The following POM121 variants were observed in gnomAD, a reference collection of about 807,000 sequenced individuals.
POM121 encodes the protein POM121 transmembrane nucleoporin.
Under a neutral mutation model 81.3 loss-of-function variants are expected in POM121, and 32 were observed. That is an observed-to-expected ratio of 0.39 (90% CI 0.30 to 0.53). POM121 has a LOEUF of 0.53. Ranked by LOEUF, POM121 falls within the 20% of genes least tolerant of loss-of-function variation. The pLI, the probability that POM121 is intolerant of heterozygous loss-of-function variation, is 0.66. For missense variants in POM121, 1,138 were observed against 1,614.6 expected, an observed-to-expected ratio of 0.70 and a Z score of 5.06; for synonymous variants, 514 against 694.2, an observed-to-expected ratio of 0.74 and a Z score of 4.08.
chr7:72,893,514 G>T (rs1554491214), intron 3 of POM121, among the ~76,000 whole-genome samples: 1 of 152,058 alleles, frequency 6.6e-6, no homozygotes, highest in African/African-American at 2.4e-5. Flanking sequence ...AACCCGGGAG[G>T]CAGAGCTTGC....
intron 3 of POM121, among the ~76,000 whole-genome samples, chr7:72,893,195 G>A (rs1216605901): frequency 5.3e-5 from 8 of 151,980 alleles, no homozygotes; most frequent in Non-Finnish European, 1.0e-4. Context: ...TCTTGGCCTT[G>A]TGATCTGCCC....
intron 3 of POM121, among the ~76,000 whole-genome samples, chr7:72,898,522 C>T (rs7793890): frequency 0.014 from 2,191 of 152,066 alleles, 40 homozygotes; most frequent in African/African-American, 0.049. Flanking sequence ...GTCAGTCAGG[C>T]GTGTTGGCTC....
intron 3 of POM121, among the ~76,000 whole-genome samples, chr7:72,900,494 T>C (rs1792500580): frequency 6.6e-6 from 1 of 152,108 alleles, no homozygotes; most frequent in African/African-American, 2.4e-5. Flanking sequence ...ATTTCTACTC[T>C]TACATTTTTA....
At chr7:72,922,607 T>C (rs1794916769), upstream of POM121, among the ~76,000 whole-genome samples, 1 of 151,872 alleles carries the variant, frequency 6.6e-6, no homozygotes, top group African/African-American at 2.4e-5. Context: ...CCTAGGCTGG[T>C]CTCGAACTCC....
At chr7:72,884,806 G>A (rs1554489832) in intron 1 of POM121, among the ~76,000 whole-genome samples, 2 of 151,246 alleles carry the variant, frequency 1.3e-5, no homozygotes, top group African/African-American at 2.4e-5. Context: ...TGGGTATAAC[G>A]TGTCATGCCT....
chr7:72,887,116 C>G (rs1554490172), intron 1 of POM121, among the ~76,000 whole-genome samples: 1 of 152,132 alleles, frequency 6.6e-6, no homozygotes, highest in Non-Finnish European at 1.5e-5. Flanking sequence ...CTGTTGCTGT[C>G]TTTATATTCA....
upstream of POM121, among the ~76,000 whole-genome samples, chr7:72,921,551 G>T (rs1237834037): frequency 6.6e-6 from 1 of 152,160 alleles, no homozygotes; most frequent in Admixed American, 6.6e-5. Flanking sequence ...TGACTTTGGG[G>T]CTCATCTCAC....
At chr7:72,945,992 C>T (rs1370306020) in intron 12 of POM121, 145 bp from the exon 13 acceptor site, 18 of 1,441,392 alleles carry the variant, frequency 1.2e-5, no homozygotes, top group South Asian at 1.2e-4. Flanking sequence ...AGGCTTCTCC[C>T]GTACAGTGTT....
rs147260920 is a variant in POM121, at chr7:72,943,128, G to A, written c.3135G>A (p.Ser1045=). Residue 1045 remains serine (S), a synonymous_variant, in exon 11 of 13, where the codon TCG becomes TCA. Coordinates refer to ENST00000434423, the MANE Select transcript of POM121 (RefSeq NM_001387691.1). ...CGTTTGGGTTGAAAGCCACGGCTTC[G>A]GCCTTCGGCGCTCCCGCCAGCTCAC... The part of the protein sequence containing the change: ...HSAFGLKATA[S]AFGAPASSQP... 34 of 1,611,988 alleles carry A rather than the reference G, an allele frequency of 2.1e-5. 1 individual carries two copies. Among genetic ancestry groups the A allele is most frequent in the African/African-American group, 8.1e-5 (6 of 74,132 alleles).
rs537485799 is a variant in POM121, at chr7:72,946,421, A to T, written c.*187A>T. On this transcript the variant is annotated 3_prime_UTR_variant, in exon 13 of 13. Coordinates refer to ENST00000434423, the MANE Select transcript of POM121 (RefSeq NM_001387691.1). ...TCTGGAGGAAGCACAAGCCTCAGGG[A>T]AGGGGAAGCAGGATGCGGAGGGCCA... 1 of 1,421,126 alleles carries T rather than the reference A, an allele frequency of 7.0e-7. No homozygotes were observed. The highest frequency in any genetic ancestry group is 1.5e-5 in the South Asian group (1 of 64,536). 88.0% of individuals were successfully genotyped at this position (1,421,126 alleles called of 1,614,324 possible). A position where few individuals can be genotyped will look rare whatever the true frequency, so the allele number is the denominator to read the frequency against.
chr7:72,929,969 C>T lies in POM121; in HGVS notation c.1133C>T (p.Ser378Phe), dbSNP rs547650712. Residue 378 changes from serine to phenylalanine, a missense_variant, in exon 5 of 13, where the codon TCT (serine) becomes TTT (phenylalanine). This residue lies in a region of POM121 where 646 missense variants were observed against 633.5 expected (regional missense o/e 1.02). Transcript: ENST00000434423. ...KPGSLKRGLN[S>F]QSSDDHLNKR... ...GGGTCTCTGAAGAGAGGCCTCAATT[C>T]TCAGAGCTCAGATGACCACTTGAAT... 2.5e-6 allele frequency: 4 copies of T among 1,612,286 alleles called. No individual in the cohort carries two copies. The African/African-American group carries it at 5.3e-5, about 22-fold the overall frequency.
chr7:72,936,937 G>A (rs1355673823), intron 5 of POM121, among the ~76,000 whole-genome samples: 45 of 152,076 alleles, frequency 3.0e-4, no homozygotes, highest in African/African-American at 8.0e-4. Flanking sequence ...GTGAGCCACC[G>A]CACTCGGCCA....
chr7:72,881,224 C>G (rs1432987204), intron 1 of POM121, among the ~76,000 whole-genome samples: 1 of 151,968 alleles, frequency 6.6e-6, no homozygotes, highest in Non-Finnish European at 1.5e-5. Context: ...GACACTATGC[C>G]TGGCTAATTT....
At chr7:72,920,601 G>A (rs1455056501), upstream of POM121, among the ~76,000 whole-genome samples, 37 of 151,992 alleles carry the variant, frequency 2.4e-4, no homozygotes, top group Admixed American at 1.6e-3. Flanking sequence ...TGATCCGCCC[G>A]CCTTGGCCTC....
At chr7:72,919,817 A>G (rs1794633048) in intron 4 of POM121, among the ~76,000 whole-genome samples, 1 of 152,244 alleles carries the variant, frequency 6.6e-6, no homozygotes, top group South Asian at 2.1e-4. Context: ...CACACATAAA[A>G]TTCTAGGTTT....
upstream of POM121, among the ~76,000 whole-genome samples, chr7:72,923,881 C>G (rs1360422934): frequency 6.6e-6 from 1 of 150,748 alleles, no homozygotes; most frequent in East Asian, 2.0e-4. Context: ...AATTCAGGCA[C>G]GAGCCACCGC....
chr7:72,895,644 G>A (rs1554491622), intron 3 of POM121, among the ~76,000 whole-genome samples: 4 of 152,186 alleles, frequency 2.6e-5, no homozygotes, highest in African/African-American at 9.7e-5. Context: ...TTTAGGCCGG[G>A]CGCAGTGGCT....
chr7:72,944,068 G>A (rs1554502650), intron 11 of POM121, among the ~76,000 whole-genome samples: 1 of 152,226 alleles, frequency 6.6e-6, no homozygotes, highest in Non-Finnish European at 1.5e-5. Flanking sequence ...TGAATATGGG[G>A]GTGGGCACAG....
intron 3 of POM121, among the ~76,000 whole-genome samples, chr7:72,897,864 A>T (rs1164631675): frequency 1.3e-5 from 2 of 152,136 alleles, no homozygotes. Context: ...CTAAAAAAAT[A>T]AAAAATTAGC....
Sources: gnomAD v4.1 joint callset for allele counts (sites outside exome capture counted in the v4.1 genomes callset) on GRCh38, gnomAD v4.1.1 for gene constraint, gnomAD v4.1.1 regional missense constraint, MANE v1.5 for transcripts, NCBI Gene and HGNC (gene_info 2026-07-23, HGNC 2026-07-21) for gene names.